Variants in SEC61A2 observed in about 807,000 individuals in gnomAD.
SEC61A2 encodes SEC61 translocon subunit alpha 2, also known as protein transport protein Sec61 subunit alpha isoform 2.
A neutral mutation model predicts 59.9 loss-of-function variants in SEC61A2; 28 were observed. The observed-to-expected ratio is 0.47, with a 90% confidence interval of 0.35 to 0.64. The LOEUF is 0.64. Ranked by LOEUF, SEC61A2 falls within the 30% of genes least tolerant of loss-of-function variation. SEC61A2 has a pLI of 0.01. For missense variants in SEC61A2, 340 were observed against 585.9 expected (o/e 0.58, Z 4.33); for synonymous variants, 202 against 214.4 (o/e 0.94, Z 0.50).
chr10:12,167,709 T>A (rs1827639825), downstream of SEC61A2: 1 of 1,613,940 alleles, frequency 6.2e-7, no homozygotes, highest in Non-Finnish European at 8.5e-7. Context: ...GGCTTAAAAT[T>A]TCAAGAAGGG....
chr10:12,163,904 T>C (rs1350308622), intron 11 of SEC61A2, among the ~76,000 whole-genome samples: 1 of 152,194 alleles, frequency 6.6e-6, no homozygotes. Context: ...CAAAATCTTA[T>C]GACATAAATT....
chr10:12,168,226 A>G (rs1264537034), downstream of SEC61A2, among the ~76,000 whole-genome samples: 1 of 152,030 alleles, frequency 6.6e-6, no homozygotes, highest in Non-Finnish European at 1.5e-5. The surrounding 1 kb of genome is among the most constrained non-coding windows in gnomAD (Gnocchi z 4.8). Flanking sequence ...GGTTTTTGCC[A>G]TGTTGGCCAG....
chr10:12,164,918 C>T lies in SEC61A2; in HGVS notation c.*464C>T. 3 of 978,654 alleles carry T rather than the reference C, an allele frequency of 3.1e-6. No individual in the cohort carries two copies. Among genetic ancestry groups the T allele is most frequent in the Non-Finnish European group, 3.6e-6 (3 of 823,826 alleles). 60.6% of individuals were successfully genotyped at this position (978,654 alleles called of 1,614,324 possible). ...ATAATTACTTTTTATACTTTTTTAA[C>T]TCATGGTATCCCCACTCCCCACCCC... On this transcript the variant is annotated 3_prime_UTR_variant, in exon 12 of 12. Coordinates refer to ENST00000298428, the MANE Select transcript of SEC61A2 (RefSeq NM_018144.4). The surrounding 1 kb of genome is among the most constrained non-coding windows in gnomAD (Gnocchi z 7.3).
chr10:12,137,040 A>G (rs1833905867), intron 3 of SEC61A2, among the ~76,000 whole-genome samples: 2 of 152,046 alleles, frequency 1.3e-5, no homozygotes, highest in Admixed American at 1.3e-4. Context: ...TGCTGGGATT[A>G]CAGGCGTGAG....
intron 2 of SEC61A2, among the ~76,000 whole-genome samples, chr10:12,135,814 C>T (rs567429897): frequency 3.9e-5 from 6 of 152,132 alleles, no homozygotes; most frequent in Non-Finnish European, 7.3e-5. Context: ...TTTCATGGCT[C>T]AGAAGTATTT....
intron 3 of SEC61A2, among the ~76,000 whole-genome samples, chr10:12,140,921 A>G (rs1834004378): frequency 6.6e-6 from 1 of 150,892 alleles, no homozygotes; most frequent in Non-Finnish European, 1.5e-5. Flanking sequence ...GTTTTTTGAG[A>G]TGGAGTCTTG....
In SEC61A2 at chr10:12,143,223, T is replaced by C. The variant is rs753656872; in HGVS notation, c.220+28T>C. The C allele has an allele frequency of 6.9e-7, 1 of 1,453,908 alleles. No homozygotes were observed. Among genetic ancestry groups the C allele is most frequent in the Non-Finnish European group, 9.7e-7 (1 of 1,033,964 alleles). The allele number at this position is 1,453,908 out of a possible 1,614,324, so 90.1% of individuals were successfully genotyped here. Reference sequence around the variant, plus strand: ...ATGCGTGTCTTTTCTGTCTCCACACTCCTACTCACAGCAAACAGATGGAAA... The same window carrying C: ...ATGCGTGTCTTTTCTGTCTCCACACCCCTACTCACAGCAAACAGATGGAAA... On this transcript the variant is annotated intron_variant, in intron 4 of 11. Coordinates refer to ENST00000298428, the MANE Select transcript of SEC61A2 (RefSeq NM_018144.4). The surrounding 1 kb of genome is among the most constrained non-coding windows in gnomAD (Gnocchi z 4.8).
In SEC61A2 at chr10:12,162,553, A is replaced by C; in HGVS notation, c.1244+264A>C. 3 of 591,190 alleles carry C rather than the reference A, an allele frequency of 5.1e-6. No individual in the cohort carries two copies. Among genetic ancestry groups the C allele is most frequent in the Non-Finnish European group, 9.5e-6 (3 of 316,178 alleles). 36.6% of individuals were successfully genotyped at this position (591,190 alleles called of 1,614,324 possible). Reference sequence around the variant, plus strand: ...TCAGCATTGGCTGGCTGCACATACAATCACCAGAGAGCTTTTAAAAAGGAT... The same window carrying C: ...TCAGCATTGGCTGGCTGCACATACACTCACCAGAGAGCTTTTAAAAAGGAT... On this transcript the variant is annotated intron_variant, in intron 11 of 11. Coordinates refer to ENST00000298428, the MANE Select transcript of SEC61A2 (RefSeq NM_018144.4). The surrounding 1 kb of genome is among the most constrained non-coding windows in gnomAD (Gnocchi z 6.1).
At chr10:12,166,138 G>A (rs996086114), downstream of SEC61A2, 7 of 151,264 alleles carry the variant, frequency 4.6e-5, no homozygotes, top group African/African-American at 1.7e-4. Flanking sequence ...GCACTCTTAG[G>A]AAGAAGGAGA....
At position 12,164,469 on chromosome 10, in the gene SEC61A2, C is replaced by T. The variant is rs1564418302; in HGVS notation, c.*15C>T. On this transcript the variant is annotated 3_prime_UTR_variant, in exon 12 of 12. Transcript: ENST00000298428. The surrounding 1 kb of genome is among the most constrained non-coding windows in gnomAD (Gnocchi z 7.3). ...TGTTTTTCTAAATGTTCAAATATTT[C>T]ATTTTGTGCGTGTGAAAGGGAAAAC... The T allele has an allele frequency of 1.9e-6, 3 of 1,606,964 alleles. No individual in the cohort carries two copies. In the Admixed American group the frequency reaches 5.1e-5, roughly 27 times the overall value.
chr10:12,150,317 G>A (rs906797156), intron 6 of SEC61A2, among the ~76,000 whole-genome samples: 2 of 152,208 alleles, frequency 1.3e-5, no homozygotes, highest in Non-Finnish European at 2.9e-5. Context: ...CCTTCCACTT[G>A]CGGTCTGCCA....
rs1055885545 is a variant in SEC61A2, at chr10:12,161,121, T to C, written c.1167T>C (p.Asp389=). 4 of 1,599,346 alleles carry C rather than the reference T, an allele frequency of 2.5e-6. No individual in the cohort carries two copies. The African/African-American group carries it at 5.4e-5, about 22-fold the overall frequency. ...WIEVSGSSAK[D]VAKQLKEQQM... is the part of the protein sequence containing the mutation. ...AAGTGTCTGGTTCCTCAGCCAAAGA[T>C]GTAAGTGTTTGGTTTATTTTAAAAT... Residue 389 remains aspartate, a splice_region_variant and synonymous_variant, in exon 10 of 12, where the codon GAT becomes GAC. Coordinates refer to ENST00000298428, the MANE Select transcript of SEC61A2 (RefSeq NM_018144.4). The surrounding 1 kb of genome is among the most constrained non-coding windows in gnomAD (Gnocchi z 5.4).
Position 12,155,766 on chromosome 10 carries a change from C to A in SEC61A2, c.463-12C>A. ...TTCTTGCTTCCGCTTACTTGCATTTCTTTCCCCACAGTTGTTTGTTGCTGG... is the reference window on the plus strand; with the variant it reads ...TTCTTGCTTCCGCTTACTTGCATTTATTTCCCCACAGTTGTTTGTTGCTGG... On this transcript the variant is annotated splice_polypyrimidine_tract_variant and intron_variant, in intron 6 of 11. Coordinates refer to ENST00000298428, the MANE Select transcript of SEC61A2 (RefSeq NM_018144.4). The surrounding 1 kb of genome is among the most constrained non-coding windows in gnomAD (Gnocchi z 4.3). 6.2e-7 allele frequency: 1 copy of A among 1,613,996 alleles called. No individual in the cohort carries two copies. Among genetic ancestry groups the A allele is most frequent in the Non-Finnish European group, 8.5e-7 (1 of 1,179,838 alleles).
chr10:12,160,849 T>C lies in SEC61A2; in HGVS notation c.976-81T>C. ...GCCTTGAACTTAAAACACTGTCATT[T>C]CTGAGAAGTTTGAAGTGACATGCAA... On this transcript the variant is annotated intron_variant, in intron 9 of 11. Coordinates refer to ENST00000298428, the MANE Select transcript of SEC61A2 (RefSeq NM_018144.4). The surrounding 1 kb of genome is among the most constrained non-coding windows in gnomAD (Gnocchi z 4.1). 1 of 1,201,854 alleles carries C rather than the reference T, an allele frequency of 8.3e-7. No individual in the cohort carries two copies. The highest frequency in any genetic ancestry group is 1.2e-6 in the Non-Finnish European group (1 of 848,308). The allele number at this position is 1,201,854 out of a possible 1,614,324, so 74.4% of individuals were successfully genotyped here.
At chr10:12,130,858 A>G (rs143895382) in intron 1 of SEC61A2, 1 of 152,446 alleles carries the variant, frequency 6.6e-6, no homozygotes, top group East Asian at 1.9e-4. Context: ...GCCCATGACA[A>G]TTAGTTAATC....
At position 12,155,882 on chromosome 10, in the gene SEC61A2, G is replaced by A; in HGVS notation, c.567G>A (p.Glu189=). 1 of 1,614,206 alleles carries A rather than the reference G, an allele frequency of 6.2e-7. No individual in the cohort carries two copies. Among genetic ancestry groups the A allele is most frequent in the Non-Finnish European group, 8.5e-7 (1 of 1,180,040 alleles). Residue 189 remains glutamate, a synonymous_variant, in exon 7 of 12, where the codon GAG becomes GAA. Coordinates refer to ENST00000298428, the MANE Select transcript of SEC61A2 (RefSeq NM_018144.4). This position sits in a 1 kb window ranked among gnomAD's most constrained non-coding sequence, Gnocchi z 4.3. Reference sequence around the variant, plus strand: ...TCTTTATTGCCACCAACATCTGTGAGACCATTGTCTGGAAGGCCTTTAGTC... The same window carrying A: ...TCTTTATTGCCACCAACATCTGTGAAACCATTGTCTGGAAGGCCTTTAGTC... ...ISLFIATNIC[E]TIVWKAFSPT...
At chr10:12,163,962 A>C (rs1375385810) in intron 11 of SEC61A2, among the ~76,000 whole-genome samples, 1 of 152,242 alleles carries the variant, frequency 6.6e-6, no homozygotes, top group Non-Finnish European at 1.5e-5. Context: ...AAGGTTACTC[A>C]TTTAAAAATC....
chr10:12,135,984 T>C, intron 2 of SEC61A2, 121 bp from the exon 3 acceptor site: 1 of 713,752 alleles, frequency 1.4e-6, no homozygotes, highest in East Asian at 2.5e-5. Flanking sequence ...TTATAACACA[T>C]AACGGACATT....
Position 12,162,622 on chromosome 10 carries a change from C to T in SEC61A2, c.1244+333C>T, listed in dbSNP as rs537188811. ...TATTTGGTCTGGGGTGAGTTCCAGG[C>T]ATCAGGGTTTTATTTTTTGGTAACA... On this transcript the variant is annotated intron_variant, in intron 11 of 11. Coordinates refer to ENST00000298428, the MANE Select transcript of SEC61A2 (RefSeq NM_018144.4). This position sits in a 1 kb window ranked among gnomAD's most constrained non-coding sequence, Gnocchi z 6.1. Among the ~76,000 whole-genome samples the T allele has an allele frequency of 6.6e-6, 1 of 152,310 alleles. No homozygotes were observed. The highest frequency in any genetic ancestry group is 2.4e-5 in the African/African-American group (1 of 41,564).
Sources: gnomAD v4.1 joint callset for allele counts (sites outside exome capture counted in the v4.1 genomes callset) on GRCh38, gnomAD v4.1.1 for gene constraint, Gnocchi (gnomAD v3.1) non-coding constraint, MANE v1.5 for transcripts, NCBI Gene and HGNC (gene_info 2026-07-23, HGNC 2026-07-21) for gene names.